The following CPXM2 variants were observed in gnomAD, a reference collection of about 807,000 sequenced individuals.
The protein encoded by CPXM2 is inactive carboxypeptidase-like protein X2.
Under a neutral mutation model 86.1 loss-of-function variants are expected in CPXM2, and 66 were observed. The observed-to-expected ratio is 0.77, with a 90% CI of 0.63 to 0.94. The LOEUF (loss-of-function observed/expected upper bound fraction) is 0.94, where lower values mean the gene tolerates loss of function less well. Among genes scored for constraint, CPXM2 ranks in the 40% least tolerant of loss-of-function variants. CPXM2 has a pLI of 0.00. For missense variants in CPXM2, 948 were observed against 1,026.3 expected, an observed-to-expected ratio of 0.92 and a Z score of 1.04; for synonymous variants, 388 against 400.2, an observed-to-expected ratio of 0.97 and a Z score of 0.36.
chr10:123,805,254 T>A (rs1348615287), intron 4 of CPXM2, among the ~76,000 whole-genome samples: 1 of 152,060 alleles, frequency 6.6e-6, no homozygotes, highest in Non-Finnish European at 1.5e-5. Flanking sequence ...CCTGGTGCAT[T>A]CTTTAAGTTT....
chr10:123,774,585 A>G (rs1314297490), intron 7 of CPXM2, among the ~76,000 whole-genome samples: 3 of 152,200 alleles, frequency 2.0e-5, no homozygotes, highest in Non-Finnish European at 4.4e-5. Flanking sequence ...AAGATTTACT[A>G]TAGCCTGGCT....
intron 6 of CPXM2, among the ~76,000 whole-genome samples, chr10:123,784,773 AC>A (rs1847011815): frequency 6.6e-6 from 1 of 152,140 alleles, no homozygotes; most frequent in South Asian, 2.1e-4. Context: ...GCTGAAGTCT[AC>A]CTGCTGATCT....
At chr10:123,907,582 A>C (rs1377602150) in intron 2 of CPXM2, among the ~76,000 whole-genome samples, 1 of 146,876 alleles carries the variant, frequency 6.8e-6, no homozygotes, top group Non-Finnish European at 1.5e-5. Context: ...CATCCTGTGC[A>C]TTTTTCTCTT....
chr10:123,798,641 A>C lies in CPXM2; in HGVS notation c.738+474T>G, dbSNP rs145778928. 1.7e-3 allele frequency among the ~76,000 whole-genome samples: 262 copies of C among 152,342 alleles called. 4 individuals carry two copies. The highest frequency in any genetic ancestry group is 8.8e-5 in the Non-Finnish European group (6 of 68,028). ...AGAAAGAAGGTTGAAAAAGGAGGCC[A>C]CAGTCAAGACTAGTCAGACTATGTA... On this transcript the variant is annotated intron_variant, in intron 5 of 13. Coordinates refer to ENST00000241305, the MANE Select transcript of CPXM2 (RefSeq NM_198148.3).
At chr10:123,938,945 G>T (rs1047724696) in intron 2 of CPXM2, among the ~76,000 whole-genome samples, 1 of 152,052 alleles carries the variant, frequency 6.6e-6, no homozygotes, top group African/African-American at 2.4e-5. Flanking sequence ...CCCACCCAGA[G>T]CTCCCACCCT....
intron 2 of CPXM2, among the ~76,000 whole-genome samples, chr10:123,936,169 A>G (rs571426301): frequency 7.3e-4 from 18 of 24,654 alleles, no homozygotes; most frequent in African/African-American, 2.4e-3. Flanking sequence ...ATTTCATTTA[A>G]TCCCCAAAGT....
At chr10:123,926,728 A>G (rs751391980) in intron 2 of CPXM2, among the ~76,000 whole-genome samples, 23 of 152,176 alleles carry the variant, frequency 1.5e-4, no homozygotes, top group Non-Finnish European at 2.8e-4. Context: ...TGCAGCAGCC[A>G]TATTGCAATC....
At chr10:123,867,993 AGAG>A (rs1944824042) in intron 2 of CPXM2, among the ~76,000 whole-genome samples, 1 of 152,242 alleles carries the variant, frequency 6.6e-6, no homozygotes, top group African/African-American at 2.4e-5. Flanking sequence ...CACGTAAGAG[AGAG>A]GAGGTCTGGG....
At chr10:123,900,771 T>A (rs1471792428) in intron 2 of CPXM2, among the ~76,000 whole-genome samples, 1 of 152,250 alleles carries the variant, frequency 6.6e-6, no homozygotes, top group African/African-American at 2.4e-5. Flanking sequence ...AAGCATTTTT[T>A]ATTAAAATGC....
intron 7 of CPXM2, among the ~76,000 whole-genome samples, chr10:123,775,495 C>A (rs1180976832): frequency 6.6e-6 from 1 of 152,186 alleles, no homozygotes; most frequent in African/African-American, 2.4e-5. Context: ...GCTGTCAGTA[C>A]TAGAGATCAC....
chr10:123,869,804 T>C (rs755007681), intron 2 of CPXM2, among the ~76,000 whole-genome samples: 20 of 152,286 alleles, frequency 1.3e-4, no homozygotes, highest in Non-Finnish European at 2.4e-4. Flanking sequence ...ATCACCACCA[T>C]ATATTACCAT....
At chr10:123,870,121 T>C (rs1386822196) in intron 2 of CPXM2, among the ~76,000 whole-genome samples, 2 of 152,180 alleles carry the variant, frequency 1.3e-5, no homozygotes, top group Admixed American at 6.5e-5. Context: ...ATCTGTACAA[T>C]GACCCCAACA....
At chr10:123,859,208 C>G (rs1201533984) in intron 3 of CPXM2, among the ~76,000 whole-genome samples, 1 of 152,260 alleles carries the variant, frequency 6.6e-6, no homozygotes, top group Admixed American at 6.5e-5. Context: ...ATCACAAAAT[C>G]CCATTAGCTC....
chr10:123,854,417 A>G (rs1197873249), intron 3 of CPXM2, among the ~76,000 whole-genome samples: 1 of 117,420 alleles, frequency 8.5e-6, no homozygotes, highest in East Asian at 2.2e-4. Flanking sequence ...TATATATAAA[A>G]TATATAATAT....
intron 1 of CPXM2, among the ~76,000 whole-genome samples, chr10:123,883,383 C>T (rs1028867135): frequency 1.3e-5 from 2 of 152,234 alleles, no homozygotes; most frequent in Non-Finnish European, 2.9e-5. Flanking sequence ...CCCCTGTACC[C>T]TCAGGTATGT....
Position 123,861,673 on chromosome 10 carries a change from C to T in CPXM2, c.513+941G>A, listed in dbSNP as rs1329610581. 2.0e-5 allele frequency among the ~76,000 whole-genome samples: 3 copies of T among 152,246 alleles called. No homozygotes were observed. In the East Asian group the frequency reaches 5.8e-4, roughly 29 times the overall value. On this transcript the variant is annotated intron_variant, in intron 3 of 13. Transcript: ENST00000241305. ...TGAAGACTCCATCTGCCTTTGCTGGCTCTGAAGAAGGAAAGAGCCACTAGC... is the reference window on the plus strand; with the variant it reads ...TGAAGACTCCATCTGCCTTTGCTGGTTCTGAAGAAGGAAAGAGCCACTAGC...
At chr10:123,779,768 G>A (rs562781201) in intron 7 of CPXM2, among the ~76,000 whole-genome samples, 5 of 152,194 alleles carry the variant, frequency 3.3e-5, no homozygotes, top group Admixed American at 6.5e-5. Context: ...AGGACTGAAC[G>A]TGATCATGTA....
rs1204081002 is a variant in CPXM2 at position 123,843,584 on chromosome 10, T to C, written c.514-1096A>G. Among the ~76,000 whole-genome samples the C allele has an allele frequency of 2.6e-5, 4 of 151,372 alleles. No homozygotes were observed. In the South Asian group the frequency reaches 6.3e-4, roughly 24 times the overall value. ...TTATGATCAGATTAAAAAAAAAAAG[T>C]CTGAATGATAAAAATGATCAGCCAG... On this transcript the variant is annotated intron_variant, in intron 3 of 13. Transcript: ENST00000241305.
At chr10:123,926,077 A>T (rs1590125588) in intron 2 of CPXM2, among the ~76,000 whole-genome samples, 1 of 152,220 alleles carries the variant, frequency 6.6e-6, no homozygotes, top group African/African-American at 2.4e-5. Flanking sequence ...GTTACCCATG[A>T]CATGCTCTTC....
Sources: allele counts gnomAD v4.1 joint callset (sites outside exome capture counted in the v4.1 genomes callset), GRCh38; gene constraint gnomAD v4.1.1; transcripts MANE v1.5; gene names NCBI Gene and HGNC (gene_info 2026-07-23, HGNC 2026-07-21).